Variants in NAALADL2 observed in about 807,000 individuals in gnomAD.
NAALADL2 encodes the protein inactive N-acetylated-alpha-linked acidic dipeptidase-like protein 2.
In NAALADL2, 76 loss-of-function variants were observed where a neutral mutation model predicts 87.2. The observed-to-expected ratio is 0.87, with a 90% CI of 0.72 to 1.05. The LOEUF is 1.05. Among genes scored for constraint, NAALADL2 ranks in the 50% least tolerant of loss-of-function variants. The pLI, the probability that NAALADL2 is intolerant of heterozygous loss-of-function variation, is 0.00. For synonymous variants in NAALADL2, 354 were observed against 331.0 expected (o/e 1.07, Z -0.75); for missense variants, 1,089 against 945.8 (o/e 1.15, Z -1.99).
At chr3:174,608,777 A>C (rs1269186534) in intron 2 of NAALADL2, among the ~76,000 whole-genome samples, 1 of 148,528 alleles carries the variant, frequency 6.7e-6, no homozygotes, top group Non-Finnish European at 1.5e-5. Flanking sequence ...TATTCCAATC[A>C]ATAGAAAAAG....
chr3:174,472,804 T>C (rs1490058368), intron 1 of NAALADL2, among the ~76,000 whole-genome samples: 5 of 152,186 alleles, frequency 3.3e-5, no homozygotes, highest in Admixed American at 3.3e-4. Flanking sequence ...TGCCTCTCAC[T>C]GTGGACTGAA....
intron 3 of NAALADL2, among the ~76,000 whole-genome samples, chr3:174,800,736 A>G (rs766090276): frequency 5.3e-5 from 8 of 152,222 alleles, no homozygotes; most frequent in Non-Finnish European, 8.8e-5. Flanking sequence ...AGCCCATGAA[A>G]GCAGCCAGGA....
At chr3:175,212,494 TATAA>T (rs1741902843) in intron 2 of NAALADL2, among the ~76,000 whole-genome samples, 1 of 152,110 alleles carries the variant, frequency 6.6e-6, no homozygotes, top group Non-Finnish European at 1.5e-5. Flanking sequence ...TCTTTCCAGA[TATAA>T]ATAATGACAC....
At chr3:174,612,058 G>A (rs1447781222) in intron 2 of NAALADL2, among the ~76,000 whole-genome samples, 3 of 151,956 alleles carry the variant, frequency 2.0e-5, no homozygotes, top group African/African-American at 7.2e-5. Context: ...ATTTTCACTG[G>A]ATATACTATT....
intron 5 of NAALADL2, among the ~76,000 whole-genome samples, chr3:175,425,269 G>C (rs1470124824): frequency 6.6e-6 from 1 of 151,994 alleles, no homozygotes; most frequent in Non-Finnish European, 1.5e-5. Flanking sequence ...TACAAATAGA[G>C]GTATATGTGT....
At chr3:174,549,148 G>T (rs1578143746) in intron 1 of NAALADL2, among the ~76,000 whole-genome samples, 1 of 152,312 alleles carries the variant, frequency 6.6e-6, no homozygotes, top group South Asian at 2.1e-4. Context: ...GCTTGCTAAT[G>T]CATGTTTTAA....
chr3:175,692,234 A>G (rs1737145311), intron 11 of NAALADL2, among the ~76,000 whole-genome samples: 1 of 152,140 alleles, frequency 6.6e-6, no homozygotes, highest in South Asian at 2.1e-4. Flanking sequence ...TCTTAAAACT[A>G]TAAATCATGC....
intron 1 of NAALADL2, among the ~76,000 whole-genome samples, chr3:174,990,221 T>C (rs1469433197): frequency 1.3e-5 from 2 of 152,154 alleles, no homozygotes; most frequent in East Asian, 3.9e-4. Flanking sequence ...ACTATTGATA[T>C]AATGTTTCTT....
At chr3:175,603,911 C>T (rs1208721401) in intron 10 of NAALADL2, among the ~76,000 whole-genome samples, 1 of 151,988 alleles carries the variant, frequency 6.6e-6, no homozygotes, top group Non-Finnish European at 1.5e-5. Flanking sequence ...GGAAGATCAC[C>T]TGAGCCCAGG....
At chr3:174,737,358 G>A (rs1335143561) in intron 2 of NAALADL2, among the ~76,000 whole-genome samples, 1 of 152,216 alleles carries the variant, frequency 6.6e-6, no homozygotes, top group African/African-American at 2.4e-5. Flanking sequence ...ATTTATGCTT[G>A]CCGAATTGAT....
At chr3:175,390,022 G>A (rs941180729) in intron 5 of NAALADL2, among the ~76,000 whole-genome samples, 11 of 151,910 alleles carry the variant, frequency 7.2e-5, no homozygotes, top group African/African-American at 2.7e-4. Context: ...CAGGGAATAA[G>A]GAATAAGATT....
intron 1 of NAALADL2, among the ~76,000 whole-genome samples, chr3:175,057,576 C>A (rs561129768): frequency 2.0e-5 from 3 of 152,256 alleles, no homozygotes; most frequent in East Asian, 1.9e-4. Flanking sequence ...CTGTTGGCTG[C>A]CAAGTAGACT....
intron 9 of NAALADL2, among the ~76,000 whole-genome samples, chr3:175,512,386 A>G (rs1385158309): frequency 6.6e-6 from 1 of 152,192 alleles, no homozygotes; most frequent in East Asian, 1.9e-4. Context: ...CAATTTAATA[A>G]AAGAATAACT....
intron 3 of NAALADL2, among the ~76,000 whole-genome samples, chr3:175,240,370 A>G (rs1560213951): frequency 1.3e-5 from 2 of 152,222 alleles, no homozygotes; most frequent in Middle Eastern, 3.2e-3. Flanking sequence ...CACTGCATGG[A>G]ATCCTTGGAT....
Position 175,173,727 on chromosome 3 carries a change from A to G in NAALADL2, c.546-60204A>G, listed in dbSNP as rs142303784. Among the ~76,000 whole-genome samples the G allele has an allele frequency of 2.1e-3, 321 of 152,290 alleles. 2 individuals carry two copies. The highest frequency in any genetic ancestry group is 7.2e-3 in the African/African-American group (301 of 41,574). On this transcript the variant is annotated intron_variant, in intron 2 of 13. Transcript: ENST00000454872. Reference sequence around the variant, plus strand: ...GTTTAGCTTTCCTTTTATTAATTGCATTCAAACTTCACAGTTGCAAGCACG... The same window carrying G: ...GTTTAGCTTTCCTTTTATTAATTGCGTTCAAACTTCACAGTTGCAAGCACG...
intron 1 of NAALADL2, among the ~76,000 whole-genome samples, chr3:175,053,504 T>C (rs1036664047): frequency 6.6e-6 from 1 of 152,206 alleles, no homozygotes; most frequent in Non-Finnish European, 1.5e-5. Flanking sequence ...GAGATCCTCC[T>C]GGAATGTCTG....
chr3:175,705,035 C>T (rs1435558393), intron 11 of NAALADL2, among the ~76,000 whole-genome samples: 2 of 152,156 alleles, frequency 1.3e-5, no homozygotes, highest in East Asian at 1.9e-4. Flanking sequence ...TATGGAAAGA[C>T]ATCCCAGATG....
At chr3:174,682,915 T>C (rs1727686774) in intron 2 of NAALADL2, among the ~76,000 whole-genome samples, 1 of 152,136 alleles carries the variant, frequency 6.6e-6, no homozygotes, top group Non-Finnish European at 1.5e-5. Context: ...CAAAAAACTA[T>C]TTAAGGCACC....
chr3:175,245,483 A>T (rs1747795832), intron 3 of NAALADL2, among the ~76,000 whole-genome samples: 1 of 152,296 alleles, frequency 6.6e-6, no homozygotes, highest in South Asian at 2.1e-4. Flanking sequence ...TTGGATGTGC[A>T]TTATATGTTA....
Sources: gnomAD v4.1 joint callset for allele counts (sites outside exome capture counted in the v4.1 genomes callset) on GRCh38, gnomAD v4.1.1 for gene constraint, MANE v1.5 for transcripts, NCBI Gene and HGNC (gene_info 2026-07-23, HGNC 2026-07-21) for gene names.